Variants in CERK observed in about 807,000 individuals in gnomAD.
The protein encoded by CERK is acylsphingosine kinase.
Under a neutral mutation model 63.4 loss-of-function variants are expected in CERK, and 39 were observed. The observed-to-expected ratio is 0.61, with a 90% confidence interval of 0.48 to 0.80. The LOEUF is 0.80. Ranked by LOEUF, CERK falls within the 30% of genes least tolerant of loss-of-function variation. The pLI is 0.00. For synonymous variants in CERK, 302 were observed against 280.0 expected (o/e 1.08, Z -0.78); for missense variants, 670 against 714.1 (o/e 0.94, Z 0.70).
chr22:46,711,141 G>A lies in CERK; in HGVS notation c.514C>T (p.His172Tyr). 2.5e-6 allele frequency: 4 copies of A among 1,613,148 alleles called. No homozygotes were observed. Among genetic ancestry groups the A allele is most frequent in the Non-Finnish European group, 3.4e-6 (4 of 1,179,160 alleles). Reference protein sequence around the residue: ...SITTDIIVTEHANQAKETLYE... With the variant: ...SITTDIIVTEYANQAKETLYE... ...AGAGTCTCCTTGGCCTGATTAGCAT[G>A]TTCAGTAACTGTGGGGAAAAATTAC... Residue 172 changes from histidine to tyrosine, a missense_variant, in exon 5 of 13, where the codon CAT becomes TAT. His to Tyr is a moderately conservative substitution (Grantham distance 83). Transcript: ENST00000216264.
chr22:46,691,730 T>G lies in CERK; in HGVS notation c.1174A>C (p.Asn392His), dbSNP rs2082732721. ...QVVCGKFLAINATNMSCACRR... is the reference protein window; with the variant it reads ...QVVCGKFLAIHATNMSCACRR... Reference sequence around the variant, plus strand: ...CAAGCACAGGACATGTTTGTGGCATTGATGGCCAGAAACTTCCCACAGACG... The same window carrying G: ...CAAGCACAGGACATGTTTGTGGCATGGATGGCCAGAAACTTCCCACAGACG... The change falls in exon 11 of 13, where the codon AAT (asparagine) becomes CAT (histidine). Residue 392 changes from asparagine to histidine, a missense_variant. Physicochemically the swap from Asn to His is moderately conservative, Grantham distance 68. Transcript: ENST00000216264. 6.2e-7 allele frequency: 1 copy of G among 1,613,230 alleles called. No homozygotes were observed. Among genetic ancestry groups the G allele is most frequent in the African/African-American group, 1.3e-5 (1 of 74,908 alleles).
Position 46,685,489 on chromosome 22 carries a change from C to T in CERK, c.*1645G>A, listed in dbSNP as rs1397755242. ...GCCTCCTGGCGTGACACCAGGCACA[C>T]TGCCGGCTGCACAGGTTGCTGGGCA... is the stretch of plus-strand genomic sequence containing the variant. On this transcript the variant is annotated 3_prime_UTR_variant, in exon 13 of 13. Coordinates refer to ENST00000216264, the MANE Select transcript of CERK (RefSeq NM_022766.6). The T allele has an allele frequency of 6.6e-6, 1 of 152,142 alleles. No individual in the cohort carries two copies. Among genetic ancestry groups the T allele is most frequent in the Non-Finnish European group, 1.5e-5 (1 of 67,996 alleles). 9.4% of individuals were successfully genotyped at this position (152,142 alleles called of 1,614,324 possible).
chr22:46,712,706 G>C (rs1479778013), intron 3 of CERK, among the ~76,000 whole-genome samples: 2 of 152,180 alleles, frequency 1.3e-5, no homozygotes, highest in Non-Finnish European at 2.9e-5. Flanking sequence ...GGACCAGCAG[G>C]TATGGAAAGA....
intron 3 of CERK, among the ~76,000 whole-genome samples, chr22:46,715,155 C>T (rs1486353899): frequency 6.6e-6 from 1 of 152,134 alleles, no homozygotes; most frequent in Non-Finnish European, 1.5e-5. Flanking sequence ...TAAGAAACAT[C>T]ATTCTTAATG....
At position 46,699,418 on chromosome 22, in the gene CERK, G is replaced by C; in HGVS notation, c.838C>G (p.Leu280Val). ...AGCAGGGACACGGAGTAGCGAAGGA[G>C]TGTGCTGTTGTGGTGGACTGAGGAC... is the stretch of plus-strand genomic sequence containing the variant. The part of the protein sequence containing the change: ...DVSSVHHNST[L>V]LRYSVSLLGY... The change falls in exon 8 of 13, where the codon CTC (leucine) becomes GTC (valine). Residue 280 changes from leucine (L) to valine (V), a missense_variant. Transcript: ENST00000216264. The C allele has an allele frequency of 6.2e-7, 1 of 1,614,200 alleles. No homozygotes were observed. Among genetic ancestry groups the C allele is most frequent in the Non-Finnish European group, 8.5e-7 (1 of 1,180,002 alleles).
intron 9 of CERK, chr22:46,693,756 C>T: frequency 2.3e-6 from 1 of 431,310 alleles, no homozygotes. Context: ...GCTGAGGTGC[C>T]ACCTGGAGAC....
chr22:46,699,068 C>G (rs181174344), intron 8 of CERK, among the ~76,000 whole-genome samples: 137 of 152,202 alleles, frequency 9.0e-4, no homozygotes, highest in African/African-American at 3.1e-3. Context: ...CTGCGTCCGT[C>G]ATGGTGTCTA....
chr22:46,719,558 G>C (rs957812291), intron 3 of CERK, among the ~76,000 whole-genome samples: 19 of 152,200 alleles, frequency 1.2e-4, no homozygotes, highest in Non-Finnish European at 2.9e-5. Flanking sequence ...TGTAGTCCCA[G>C]CTACTCGGGA....
At chr22:46,734,308 T>TA (rs1271449866) in intron 1 of CERK, among the ~76,000 whole-genome samples, 1 of 150,234 alleles carries the variant, frequency 6.7e-6, no homozygotes, top group South Asian at 2.1e-4. Flanking sequence ...TGATGAATCT[T>TA]AAAAAAAACA....
At chr22:46,713,330 C>T (rs897814533) in intron 3 of CERK, among the ~76,000 whole-genome samples, 29 of 151,014 alleles carry the variant, frequency 1.9e-4, no homozygotes, top group Non-Finnish European at 3.4e-4. Context: ...CGGTGAAATC[C>T]CGTCTCTACT....
chr22:46,692,904 CAAAAAAAAAAA>C (rs34255348), intron 10 of CERK, among the ~76,000 whole-genome samples: 2 of 92,990 alleles, frequency 2.2e-5, no homozygotes, highest in African/African-American at 3.8e-5. Context: ...AAACTCCATC[CAAAAAAAAAAA>C]AAAAAAAAAG....
chr22:46,713,522 AAAAAAAACAAACAAAC>A (rs2082852948), intron 3 of CERK, among the ~76,000 whole-genome samples: 1 of 149,060 alleles, frequency 6.7e-6, no homozygotes, highest in African/African-American at 2.6e-5. Flanking sequence ...AAAAAAAAAA[AAAAAAAACAAACAAAC>A]AAAAAAACAC....
At chr22:46,694,134 C>G (rs533717301) in intron 9 of CERK, among the ~76,000 whole-genome samples, 1 of 152,216 alleles carries the variant, frequency 6.6e-6, no homozygotes, top group East Asian at 1.9e-4. Context: ...AGGAAAGGAG[C>G]TAGAAGGAGG....
intron 9 of CERK, 77 bp downstream of exon 9, chr22:46,695,133 T>C (rs1194126650): frequency 3.5e-5 from 28 of 792,770 alleles, no homozygotes; most frequent in Non-Finnish European, 2.7e-5. Flanking sequence ...TGGAAAATAC[T>C]TCTGCATTCA....
chr22:46,694,880 C>T (rs546045657), intron 9 of CERK, among the ~76,000 whole-genome samples: 57 of 152,324 alleles, frequency 3.7e-4, no homozygotes, highest in Middle Eastern at 3.4e-3. Context: ...CATTTCTCCT[C>T]CATCAGGCCC....
intron 3 of CERK, among the ~76,000 whole-genome samples, chr22:46,718,249 G>A (rs2082875675): frequency 6.6e-6 from 1 of 152,140 alleles, no homozygotes. Context: ...CCAGTGGGAG[G>A]CAGGGTTCAG....
At chr22:46,706,201 A>G (rs1460419520) in intron 6 of CERK, among the ~76,000 whole-genome samples, 2 of 152,216 alleles carry the variant, frequency 1.3e-5, no homozygotes. Context: ...TGGGTGCCCC[A>G]CCGAGGACAC....
At chr22:46,729,977 T>G (rs926503660) in intron 1 of CERK, among the ~76,000 whole-genome samples, 1 of 151,694 alleles carries the variant, frequency 6.6e-6, no homozygotes, top group Non-Finnish European at 1.5e-5. Flanking sequence ...AGGCGGAGCT[T>G]GCAGTGAGCC....
At chr22:46,719,797 G>A (rs902394507) in intron 3 of CERK, among the ~76,000 whole-genome samples, 2 of 152,216 alleles carry the variant, frequency 1.3e-5, no homozygotes, top group East Asian at 1.9e-4. Context: ...TACCATCTCC[G>A]CTTCCAGAAA....
Sources: gnomAD v4.1 joint callset for allele counts (sites outside exome capture counted in the v4.1 genomes callset) on GRCh38, gnomAD v4.1.1 for gene constraint, MANE v1.5 for transcripts, NCBI Gene and HGNC (gene_info 2026-07-23, HGNC 2026-07-21) for gene names.